Variants in OR14A2 observed in about 807,000 individuals in gnomAD.
OR14A2 encodes the protein olfactory receptor family 14 subfamily A member 2.
For synonymous variants in OR14A2, 114 were observed against 58.6 expected (o/e 1.95, Z -4.32); for missense variants, 237 against 152.9 (o/e 1.55, Z -2.90).
chr1:247,727,374 C>G (rs193003914), upstream of OR14A2, among the ~76,000 whole-genome samples: 4,632 of 150,506 alleles, frequency 0.031, 259 homozygotes, highest in African/African-American at 0.11. Context: ...GACTTTTGTA[C>G]ATTGATTTTG....
upstream of OR14A2, among the ~76,000 whole-genome samples, chr1:247,727,888 C>T (rs1033411338): frequency 6.8e-6 from 1 of 146,302 alleles, no homozygotes; most frequent in Non-Finnish European, 1.5e-5. Context: ...AGTTGAATCT[C>T]TGAATAGACC....
upstream of OR14A2, among the ~76,000 whole-genome samples, chr1:247,728,102 C>T (rs1430629538): frequency 6.7e-6 from 1 of 150,090 alleles, no homozygotes; most frequent in African/African-American, 2.5e-5. Flanking sequence ...ATACCAAAGC[C>T]TGGCAGAGAC....
At chr1:247,725,049 C>T (rs1660303906), upstream of OR14A2, among the ~76,000 whole-genome samples, 1 of 151,260 alleles carries the variant, frequency 6.6e-6, no homozygotes, top group South Asian at 2.1e-4. Context: ...TTCCTAGGAG[C>T]TTTGTGTTGA....
upstream of OR14A2, among the ~76,000 whole-genome samples, chr1:247,727,353 A>T (rs1660400541): frequency 6.6e-6 from 1 of 150,750 alleles, no homozygotes; most frequent in East Asian, 1.9e-4. Flanking sequence ...TTGGTATGTA[A>T]GAATGCTTGT....
chr1:247,726,775 T>C (rs1463951816), upstream of OR14A2, among the ~76,000 whole-genome samples: 4 of 134,526 alleles, frequency 3.0e-5, no homozygotes, highest in Non-Finnish European at 6.3e-5. Context: ...CCCAGCACCA[T>C]TTATTAAATA....
the OR14A2 span, among the ~76,000 whole-genome samples, chr1:247,740,215 AG>A: frequency 6.6e-6 from 1 of 152,108 alleles, no homozygotes; most frequent in Admixed American, 6.6e-5. Context: ...TATCTTTTCC[AG>A]CATTCTCTTC....
chr1:247,744,084 T>C, the OR14A2 span, among the ~76,000 whole-genome samples: 1 of 152,218 alleles, frequency 6.6e-6, no homozygotes, highest in Non-Finnish European at 1.5e-5. This position sits in a 1 kb window ranked among gnomAD's most constrained non-coding sequence, Gnocchi z 4.3. Flanking sequence ...CCACTGCTCA[T>C]GTCATATATA....
chr1:247,739,383 T>C, the OR14A2 span: 1 of 780,826 alleles, frequency 1.3e-6, no homozygotes. Context: ...TGCTGTTGCT[T>C]ATTTAAAGCC....
the OR14A2 span, among the ~76,000 whole-genome samples, chr1:247,736,648 A>G: frequency 6.6e-6 from 1 of 152,132 alleles, no homozygotes; most frequent in Admixed American, 6.5e-5. Context: ...AAGGACACTC[A>G]CTCACTCACT....
At chr1:247,745,464 A>T in the OR14A2 span, among the ~76,000 whole-genome samples, 89 of 152,104 alleles carry the variant, frequency 5.9e-4, no homozygotes, top group African/African-American at 2.1e-3. Flanking sequence ...GAGAGAAAAA[A>T]ATCTTCCCTA....
chr1:247,722,969 G>A (rs991242447), downstream of OR14A2: 1 of 614,786 alleles, frequency 1.6e-6, no homozygotes, highest in African/African-American at 1.9e-5. Context: ...AGGCTCTTGA[G>A]TATTTATTTC....
At chr1:247,732,380 T>C in the OR14A2 span, among the ~76,000 whole-genome samples, 1 of 152,126 alleles carries the variant, frequency 6.6e-6, no homozygotes, top group Non-Finnish European at 1.5e-5. Context: ...CAAGCGCCCT[T>C]ACAACACTTC....
At chr1:247,745,746 C>G in the OR14A2 span, among the ~76,000 whole-genome samples, 1 of 152,112 alleles carries the variant, frequency 6.6e-6, no homozygotes, top group African/African-American at 2.4e-5. Flanking sequence ...GGCTCATATA[C>G]TTGGTAAAAC....
At chr1:247,739,327 A>G in the OR14A2 span, 6 of 780,696 alleles carry the variant, frequency 7.7e-6, no homozygotes, top group Non-Finnish European at 1.4e-5. Flanking sequence ...GCCTTTTCCA[A>G]CTGTGTGCCT....
chr1:247,739,174 G>T, the OR14A2 span: 1 of 780,860 alleles, frequency 1.3e-6, no homozygotes, highest in South Asian at 1.3e-5. Context: ...AAGCTCACTT[G>T]TTCTAAAGAA....
chr1:247,723,830 C>T (rs538371280), exon 1 of OR14A2: 2 of 717,442 alleles, frequency 2.8e-6, no homozygotes, highest in Non-Finnish European at 5.2e-6. Context: ...GGAACAGACA[C>T]CAGGAAGACA....
chr1:247,728,906 C>T (rs1166942087), upstream of OR14A2, among the ~76,000 whole-genome samples: 1 of 151,976 alleles, frequency 6.6e-6, no homozygotes, highest in Non-Finnish European at 1.5e-5. Flanking sequence ...TAAAACAAAA[C>T]ATCTAGCTTC....
the OR14A2 span, among the ~76,000 whole-genome samples, chr1:247,736,219 C>T: frequency 6.6e-6 from 1 of 151,120 alleles, no homozygotes; most frequent in Admixed American, 6.6e-5. Context: ...CTCTCCATTC[C>T]TCATATTCTT....
At chr1:247,725,264 C>A (rs1475446693), upstream of OR14A2, among the ~76,000 whole-genome samples, 3 of 151,946 alleles carry the variant, frequency 2.0e-5, no homozygotes, top group East Asian at 3.9e-4. Flanking sequence ...GGAAAAGAAG[C>A]TTAAAAAATA....
Sources: gnomAD v4.1 joint callset for allele counts (sites outside exome capture counted in the v4.1 genomes callset) on GRCh38, gnomAD v4.1.1 for gene constraint, Gnocchi (gnomAD v3.1) non-coding constraint, MANE v1.5 for transcripts, NCBI Gene and HGNC (gene_info 2026-07-23, HGNC 2026-07-21) for gene names.